Variants in DNER observed in about 807,000 individuals in gnomAD.
The protein encoded by DNER is delta/notch like EGF repeat containing.
Under a neutral mutation model 78.2 loss-of-function variants are expected in DNER, and 33 were observed. That is an observed-to-expected ratio of 0.42 (90% CI 0.32 to 0.56). The LOEUF (loss-of-function observed/expected upper bound fraction) is 0.56, where lower values mean the gene tolerates loss of function less well. Among genes scored for constraint, DNER ranks in the 20% least tolerant of loss-of-function variants. The pLI is 0.11. For missense variants in DNER, 918 were observed against 975.3 expected, an observed-to-expected ratio of 0.94 and a Z score of 0.78; for synonymous variants, 417 against 384.8, an observed-to-expected ratio of 1.08 and a Z score of -0.98.
At chr2:229,493,225 C>T (rs1468467877) in intron 6 of DNER, among the ~76,000 whole-genome samples, 2 of 152,182 alleles carry the variant, frequency 1.3e-5, no homozygotes, top group Non-Finnish European at 2.9e-5. Context: ...AGGCTGAAAT[C>T]ACCAATTAGT....
chr2:229,554,509 T>C (rs1053010064), intron 4 of DNER, among the ~76,000 whole-genome samples: 1 of 152,126 alleles, frequency 6.6e-6, no homozygotes, highest in South Asian at 2.1e-4. Context: ...CTGGCCAACA[T>C]GCTGAAACTC....
chr2:229,553,272 T>A (rs1696785846), intron 4 of DNER, among the ~76,000 whole-genome samples: 1 of 152,164 alleles, frequency 6.6e-6, no homozygotes, highest in East Asian at 1.9e-4. Context: ...GTAGCTGTGG[T>A]CAATTGATCT....
At chr2:229,564,530 C>A (rs1156672260) in intron 4 of DNER, among the ~76,000 whole-genome samples, 2 of 142,498 alleles carry the variant, frequency 1.4e-5, no homozygotes, top group Non-Finnish European at 3.0e-5. Flanking sequence ...TACCCCATCA[C>A]CATCATCATC....
intron 1 of DNER, among the ~76,000 whole-genome samples, chr2:229,653,122 T>C (rs564946939): frequency 1.8e-4 from 27 of 152,326 alleles, no homozygotes; most frequent in African/African-American, 6.5e-4. Context: ...TCTTCCCCAT[T>C]GCACTCTGAA....
intron 6 of DNER, among the ~76,000 whole-genome samples, chr2:229,506,144 A>T (rs909046559): frequency 6.6e-6 from 1 of 151,586 alleles, no homozygotes; most frequent in African/African-American, 2.4e-5. Flanking sequence ...AAAACTGGGT[A>T]ATTTATAAAG....
intron 1 of DNER, among the ~76,000 whole-genome samples, chr2:229,709,090 T>C (rs999360457): frequency 4.6e-5 from 7 of 152,236 alleles, no homozygotes; most frequent in Non-Finnish European, 1.0e-4. Context: ...TGTCTGTTCA[T>C]TGAAGGAAGA....
At chr2:229,543,961 C>A (rs1421708269) in intron 5 of DNER, among the ~76,000 whole-genome samples, 1 of 152,076 alleles carries the variant, frequency 6.6e-6, no homozygotes, top group Non-Finnish European at 1.5e-5. Context: ...GCAGCATCGA[C>A]CATCATCTCT....
At chr2:229,616,223 T>C (rs563001492) in intron 1 of DNER, among the ~76,000 whole-genome samples, 11 of 152,364 alleles carry the variant, frequency 7.2e-5, no homozygotes, top group Admixed American at 1.3e-4. Flanking sequence ...CACCACGGGC[T>C]ATGGGGCCAC....
At chr2:229,419,094 T>G (rs1274120138) in intron 8 of DNER, among the ~76,000 whole-genome samples, 1 of 152,140 alleles carries the variant, frequency 6.6e-6, no homozygotes, top group African/African-American at 2.4e-5. Context: ...ATTATATAAA[T>G]TATAATATTT....
At chr2:229,669,047 A>C (rs1699161590) in intron 1 of DNER, among the ~76,000 whole-genome samples, 1 of 152,188 alleles carries the variant, frequency 6.6e-6, no homozygotes, top group African/African-American at 2.4e-5. Flanking sequence ...GTCATAAAAA[A>C]GGATGAGTTC....
chr2:229,471,891 A>C (rs568439054), intron 7 of DNER, among the ~76,000 whole-genome samples: 3 of 152,338 alleles, frequency 2.0e-5, no homozygotes, highest in Admixed American at 2.0e-4. Context: ...ACCCCAAACC[A>C]CATGCATAAA....
At chr2:229,546,840 G>C in intron 5 of DNER, 107 bp downstream of exon 5, 1 of 1,466,952 alleles carries the variant, frequency 6.8e-7, no homozygotes, top group South Asian at 1.3e-5. Context: ...CAGATAGATA[G>C]ATAGAGCAAG....
chr2:229,569,658 T>A (rs1697180502), intron 4 of DNER, among the ~76,000 whole-genome samples: 1 of 152,238 alleles, frequency 6.6e-6, no homozygotes, highest in Non-Finnish European at 1.5e-5. Context: ...TAATAGAAGG[T>A]CAATGCTATG....
intron 11 of DNER, among the ~76,000 whole-genome samples, chr2:229,386,000 C>A (rs537780264): frequency 2.6e-5 from 4 of 152,130 alleles, no homozygotes; most frequent in Admixed American, 6.5e-5. Flanking sequence ...CAAAAAAGAG[C>A]CTGCATAGCC....
rs1262508723 is a variant in DNER, at chr2:229,591,653, G to C, written c.512C>G (p.Ala171Gly). 1 of 1,614,196 alleles carries C rather than the reference G, an allele frequency of 6.2e-7. No individual in the cohort carries two copies. The change falls in exon 2 of 13, where the codon GCA becomes GGA. Residue 171 changes from alanine to glycine, a missense_variant. Physicochemically the swap from Ala to Gly is moderately conservative, Grantham distance 60. Transcript: ENST00000341772. This position sits in a 1 kb window ranked among gnomAD's most constrained non-coding sequence, Gnocchi z 4.6. ...EPDKILPRSQATVTLPTWQPK... is the reference protein window; with the variant it reads ...EPDKILPRSQGTVTLPTWQPK... ...CTGCCAGGTAGGCAGTGTCACCGTT[G>C]CCTGAGAGCGAGGCAGGATTTTGTC...
chr2:229,373,931 G>A (rs1272581926), intron 11 of DNER, among the ~76,000 whole-genome samples: 4 of 152,156 alleles, frequency 2.6e-5, no homozygotes, highest in African/African-American at 9.7e-5. Context: ...TTGGGAGACC[G>A]AAGTGGGTGG....
chr2:229,404,434 T>G (rs750422811), intron 10 of DNER, among the ~76,000 whole-genome samples: 1 of 152,024 alleles, frequency 6.6e-6, no homozygotes, highest in African/African-American at 2.4e-5. Context: ...ACTCACTCAC[T>G]ATCATGAGAA....
chr2:229,551,133 G>T (rs1696727649), intron 4 of DNER, among the ~76,000 whole-genome samples: 1 of 152,096 alleles, frequency 6.6e-6, no homozygotes, highest in Non-Finnish European at 1.5e-5. Flanking sequence ...TTCCTACATT[G>T]TTTCATTTTT....
At position 229,711,926 on chromosome 2, in the gene DNER, G is replaced by A. The variant is rs146846713; in HGVS notation, c.276+2222C>T. The stretch of plus-strand genomic sequence containing the variant: ...GTTCTTTGCTGTTCCCATGAAAAAT[G>A]AGTCTCAAGTCTTACTGCGAGATCA... On this transcript the variant is annotated intron_variant, in intron 1 of 12. Coordinates refer to ENST00000341772, the MANE Select transcript of DNER (RefSeq NM_139072.4). Among the ~76,000 whole-genome samples the A allele has an allele frequency of 2.3e-3, 348 of 151,194 alleles. 1 individual carries two copies. The highest frequency in any genetic ancestry group is 8.2e-3 in the African/African-American group (336 of 41,144).
Sources: gnomAD v4.1 joint callset for allele counts (sites outside exome capture counted in the v4.1 genomes callset) on GRCh38, gnomAD v4.1.1 for gene constraint, Gnocchi (gnomAD v3.1) non-coding constraint, MANE v1.5 for transcripts, NCBI Gene and HGNC (gene_info 2026-07-23, HGNC 2026-07-21) for gene names.